TBCE: variants seen among roughly 807,000 people sequenced by gnomAD.
TBCE encodes the protein tubulin folding cofactor E.
Under a neutral mutation model 77.0 loss-of-function variants are expected in TBCE, and 53 were observed. The observed-to-expected ratio is 0.69, with a 90% CI of 0.55 to 0.87. The LOEUF is 0.87. Ranked by LOEUF, TBCE falls within the 40% of genes least tolerant of loss-of-function variation. The probability of loss-of-function intolerance (pLI) is 0.00; values close to 1 mark genes in which losing one functional copy is unlikely to be tolerated. For missense variants in TBCE, 624 were observed against 622.4 expected (o/e 1.00, Z -0.03); for synonymous variants, 235 against 241.3 (o/e 0.97, Z 0.24).
rs1159067673 is a variant in TBCE at position 235,437,380 on chromosome 1, G to C, written c.1022G>C (p.Arg341Thr). Residue 341 changes from arginine to threonine, a missense_variant, in exon 12 of 17, where the codon AGA (arginine) becomes ACA (threonine). Physicochemically the swap from Arg to Thr is moderately conservative, Grantham distance 71. Transcript: ENST00000642610. The part of the protein sequence containing the change: ...LPSLRALSCL[R>T]NPLTKEDKEA... Reference sequence around the variant, plus strand: ...AGTCTACGGGCTTTGTCCTGCCTAAGAAACCCCCTGACCAAAGAGGACAAA... The same window carrying C: ...AGTCTACGGGCTTTGTCCTGCCTAACAAACCCCCTGACCAAAGAGGACAAA... The C allele has an allele frequency of 4.3e-6, 7 of 1,613,998 alleles. No individual in the cohort carries two copies.
chr1:235,443,851 A>C (rs1269205358), intron 15 of TBCE, among the ~76,000 whole-genome samples: 1 of 152,240 alleles, frequency 6.6e-6, no homozygotes, highest in Non-Finnish European at 1.5e-5. Flanking sequence ...GAAAATAAAT[A>C]TGCTTGTGTC....
intron 5 of TBCE, among the ~76,000 whole-genome samples, chr1:235,426,860 G>C (rs1259852950): frequency 6.6e-6 from 1 of 152,194 alleles, no homozygotes; most frequent in African/African-American, 2.4e-5. Context: ...GGCCAGGCTG[G>C]TCTTGAACTC....
At chr1:235,441,500 T>C (rs919128293) in intron 13 of TBCE, 7 of 347,478 alleles carry the variant, frequency 2.0e-5, no homozygotes, top group Non-Finnish European at 3.7e-5. Flanking sequence ...TCAGGACACC[T>C]AAGGAACAAT....
At chr1:235,385,901 T>A (rs559810091) in intron 2 of TBCE, among the ~76,000 whole-genome samples, 2 of 152,226 alleles carry the variant, frequency 1.3e-5, no homozygotes, top group Admixed American at 1.3e-4. Context: ...TGATGCAGTT[T>A]CTTCCAGCCT....
chr1:235,370,794 T>A (rs1395932236), intron 1 of TBCE, among the ~76,000 whole-genome samples: 2 of 148,444 alleles, frequency 1.3e-5, no homozygotes, highest in African/African-American at 5.0e-5. Flanking sequence ...CAGGCTGGAG[T>A]GCAATTGTGT....
At chr1:235,380,648 G>A (rs377493608) in intron 2 of TBCE, among the ~76,000 whole-genome samples, 47 of 151,014 alleles carry the variant, frequency 3.1e-4, no homozygotes, top group East Asian at 3.9e-4. Flanking sequence ...TTGATTTTGC[G>A]TATTTCTTAA....
chr1:235,420,105 C>G (rs1021036686), intron 5 of TBCE, among the ~76,000 whole-genome samples: 1 of 152,104 alleles, frequency 6.6e-6, no homozygotes, highest in Admixed American at 6.6e-5. Context: ...AGGGGGCACA[C>G]TTGTTTGGCC....
rs376129267 is a variant in TBCE at position 235,446,128 on chromosome 1, A to G, written c.1400-2221A>G. Among the ~76,000 whole-genome samples, 161 of 152,342 alleles carry G rather than the reference A, an allele frequency of 1.1e-3. 1 individual carries two copies. The highest frequency in any genetic ancestry group is 3.7e-3 in the African/African-American group (152 of 41,592). On this transcript the variant is annotated intron_variant, in intron 15 of 16. Coordinates refer to ENST00000642610, the MANE Select transcript of TBCE (RefSeq NM_003193.5). ...AATTGGCATGAAAAGCTATACCATC[A>G]TGTCATAAAGAAATACAAATGTAGT...
chr1:235,438,965 A>C lies in TBCE; in HGVS notation c.1270+43A>C, dbSNP rs771433081. On this transcript the variant is annotated intron_variant, in intron 13 of 16. Transcript: ENST00000642610. The stretch of plus-strand genomic sequence containing the variant: ...GGTGGCCTTCAGGTGGTGGATTTCC[A>C]GCTGGAACAAAGTTTTTTCTTGGGT... The C allele has an allele frequency of 2.5e-6, 4 of 1,613,848 alleles. No homozygotes were observed. In the Admixed American group the frequency reaches 6.7e-5, roughly 27 times the overall value.
chr1:235,437,383 A>G lies in TBCE; in HGVS notation c.1025A>G (p.Asn342Ser), dbSNP rs1558389763. The G allele has an allele frequency of 1.9e-6, 3 of 1,613,732 alleles. No homozygotes were observed. The South Asian group carries it at 3.3e-5, about 18-fold the overall frequency. Reference protein sequence around the residue: ...PSLRALSCLRNPLTKEDKEAE... With the variant: ...PSLRALSCLRSPLTKEDKEAE... ...CTACGGGCTTTGTCCTGCCTAAGAA[A>G]CCCCCTGACCAAAGAGGACAAAGAA... is the stretch of plus-strand genomic sequence containing the variant. The change falls in exon 12 of 17, where the codon AAC becomes AGC. Residue 342 changes from asparagine (N) to serine (S), a missense_variant. Transcript: ENST00000642610.
chr1:235,404,007 G>A (rs1679270189), intron 3 of TBCE, among the ~76,000 whole-genome samples: 5 of 152,160 alleles, frequency 3.3e-5, no homozygotes, highest in Admixed American at 1.3e-4. Flanking sequence ...GGCCGGGTGC[G>A]TTGGCTCACG....
intron 13 of TBCE, chr1:235,440,741 A>G (rs1681825043): frequency 6.6e-6 from 1 of 152,064 alleles, no homozygotes; most frequent in East Asian, 1.9e-4. Flanking sequence ...AGTGAATAGG[A>G]AAGTTCGTAT....
chr1:235,437,379 A>C lies in TBCE; in HGVS notation c.1021A>C (p.Arg341=). ...LPSLRALSCL[R]NPLTKEDKEA... Reference sequence around the variant, plus strand: ...AAGTCTACGGGCTTTGTCCTGCCTAAGAAACCCCCTGACCAAAGAGGACAA... The same window carrying C: ...AAGTCTACGGGCTTTGTCCTGCCTACGAAACCCCCTGACCAAAGAGGACAA... Residue 341 remains arginine, a synonymous_variant, in exon 12 of 17, where the codon AGA becomes CGA. Transcript: ENST00000642610. 1 of 1,614,174 alleles carries C rather than the reference A, an allele frequency of 6.2e-7. No individual in the cohort carries two copies.
At chr1:235,435,936 G>GT in intron 9 of TBCE, 96 bp downstream of exon 9, 1 of 1,089,056 alleles carries the variant, frequency 9.2e-7, no homozygotes. Flanking sequence ...TAGAAACGTG[G>GT]TAACAATGAT....
rs572048030 is a variant in TBCE, at chr1:235,451,989, C to T, written c.*3227C>T. ...GAAGGGTTGAAGGATCCTTAGACTG[C>T]CACACTCAATCAGTGGATTCTGTCG... On this transcript the variant is annotated 3_prime_UTR_variant, in exon 17 of 17. Transcript: ENST00000642610. 6.9e-4 allele frequency: 105 copies of T among 151,110 alleles called. No individual in the cohort carries two copies. The highest frequency in any genetic ancestry group is 2.5e-3 in the African/African-American group (104 of 40,916). The allele number at this position is 151,110 out of a possible 1,614,324, so 9.4% of individuals were successfully genotyped here.
At chr1:235,429,009 A>G (rs1333994825) in intron 6 of TBCE, 3 of 121,482 alleles carry the variant, frequency 2.5e-5, no homozygotes, top group South Asian at 2.5e-4. Flanking sequence ...TTTTTTTGAG[A>G]CAGAGTCTCA....
intron 3 of TBCE, among the ~76,000 whole-genome samples, chr1:235,406,350 A>G (rs1679427514): frequency 6.6e-6 from 1 of 152,234 alleles, no homozygotes. Context: ...ATTACCCATA[A>G]TTAATATTTG....
chr1:235,391,240 A>G (rs1268276087), intron 2 of TBCE, among the ~76,000 whole-genome samples: 1 of 152,104 alleles, frequency 6.6e-6, no homozygotes, highest in Admixed American at 6.6e-5. Context: ...CTGTAATCCC[A>G]ACACTTTGGG....
intron 3 of TBCE, 106 bp from the exon 4 acceptor site, chr1:235,414,327 T>C (rs190389201): frequency 1.3e-4 from 138 of 1,027,738 alleles, no homozygotes; most frequent in Admixed American, 7.6e-4. Flanking sequence ...TATGCTAATT[T>C]TGATTTTTTA....
Sources: gnomAD v4.1 joint callset for allele counts (sites outside exome capture counted in the v4.1 genomes callset) on GRCh38, gnomAD v4.1.1 for gene constraint, MANE v1.5 for transcripts, NCBI Gene and HGNC (gene_info 2026-07-23, HGNC 2026-07-21) for gene names.